DLEU7: variants seen among roughly 807,000 people sequenced by gnomAD.
The protein encoded by DLEU7 is leukemia-associated protein 7.
Under a neutral mutation model 16.0 loss-of-function variants are expected in DLEU7, and 17 were observed. The observed-to-expected ratio is 1.06, with a 90% CI of 0.73 to 1.59. The LOEUF (loss-of-function observed/expected upper bound fraction) is 1.59, where lower values mean the gene tolerates loss of function less well. Ranked by LOEUF, DLEU7 falls within the 40% of genes most tolerant of loss-of-function variation. The pLI is 0.00. For missense variants in DLEU7, 308 were observed against 314.9 expected (o/e 0.98, Z 0.17); for synonymous variants, 113 against 139.8 (o/e 0.81, Z 1.35).
At chr13:50,782,400 T>A (rs1269631412) in intron 1 of DLEU7, among the ~76,000 whole-genome samples, 1 of 152,224 alleles carries the variant, frequency 6.6e-6, no homozygotes, top group Non-Finnish European at 1.5e-5. Context: ...CATCTAAGAT[T>A]CTGTTGTTGG....
intron 1 of DLEU7, among the ~76,000 whole-genome samples, chr13:50,780,971 C>T (rs1197856973): frequency 6.6e-6 from 1 of 152,210 alleles, no homozygotes; most frequent in African/African-American, 2.4e-5. Flanking sequence ...CAGATGAGTT[C>T]CCAATCCATC....
intron 1 of DLEU7, among the ~76,000 whole-genome samples, chr13:50,748,426 A>G (rs897799833): frequency 1.3e-5 from 2 of 152,056 alleles, no homozygotes; most frequent in Non-Finnish European, 2.9e-5. Flanking sequence ...ATTATAAAGG[A>G]CATGAGTCTA....
chr13:50,760,774 T>C (rs1039746890), intron 1 of DLEU7, among the ~76,000 whole-genome samples: 3 of 152,220 alleles, frequency 2.0e-5, no homozygotes, highest in Non-Finnish European at 4.4e-5. Context: ...ATATATTGTT[T>C]ATAAATTTAG....
intron 1 of DLEU7, among the ~76,000 whole-genome samples, chr13:50,810,876 G>A (rs1221833924): frequency 6.6e-6 from 1 of 152,170 alleles, no homozygotes; most frequent in South Asian, 2.1e-4. Flanking sequence ...AGAGCTTAAT[G>A]ATGTTTTCCT....
chr13:50,741,026 C>T (rs1874236793), intron 1 of DLEU7, among the ~76,000 whole-genome samples: 1 of 152,170 alleles, frequency 6.6e-6, no homozygotes, highest in Non-Finnish European at 1.5e-5. Flanking sequence ...CCATCAAAAT[C>T]TGTCTCAGAG....
At chr13:50,756,432 G>A (rs1239353060) in intron 1 of DLEU7, among the ~76,000 whole-genome samples, 1 of 152,170 alleles carries the variant, frequency 6.6e-6, no homozygotes, top group Non-Finnish European at 1.5e-5. Context: ...CAGGTCAATG[G>A]AGTTGTGTAC....
chr13:50,770,170 A>G (rs1334192687), intron 1 of DLEU7, among the ~76,000 whole-genome samples: 1 of 152,046 alleles, frequency 6.6e-6, no homozygotes, highest in Non-Finnish European at 1.5e-5. Flanking sequence ...GGAGATTTGG[A>G]GCCAAGACGA....
rs557162695 is a variant in DLEU7, at chr13:50,715,028, C to A, written c.460-1788G>T. 6.2e-4 allele frequency among the ~76,000 whole-genome samples: 94 copies of A among 152,074 alleles called. 1 individual carries two copies. Among genetic ancestry groups the A allele is most frequent in the Non-Finnish European group, 1.2e-3 (82 of 68,014 alleles). ...TTTCCAGGCCTCTGCGCCTTGTTGG[C>A]GGAATTCAGTTCAATTTGCCTGATG... On this transcript the variant is annotated intron_variant, in intron 1 of 1. Coordinates refer to the DLEU7 transcript ENST00000400393.
At chr13:50,815,161 C>G (rs962953604) in intron 1 of DLEU7, among the ~76,000 whole-genome samples, 2 of 152,030 alleles carry the variant, frequency 1.3e-5, no homozygotes, top group African/African-American at 2.4e-5. Context: ...TATTTGTTAT[C>G]AACAGTGTTT....
At chr13:50,818,344 G>A (rs1876795897), downstream of DLEU7, among the ~76,000 whole-genome samples, 1 of 152,124 alleles carries the variant, frequency 6.6e-6, no homozygotes, top group South Asian at 2.1e-4. Flanking sequence ...ATCATTTATT[G>A]AGTGATTGCT....
chr13:50,716,126 C>G (rs1359907388), intron 1 of DLEU7, among the ~76,000 whole-genome samples: 3 of 152,208 alleles, frequency 2.0e-5, no homozygotes, highest in Admixed American at 6.5e-5. Context: ...AATAAGGAAA[C>G]AAGTTCACTG....
rs546152155 is a variant in DLEU7 at position 50,773,249 on chromosome 13, C to T, written c.460-60009G>A. ...GCTTGGAGAAGTTTGTTATTACCGA[C>T]CTTCTGAAGCCTACTTTTGTTAACC... On this transcript the variant is annotated intron_variant, in intron 1 of 1. Coordinates refer to the DLEU7 transcript ENST00000400393. 3.9e-5 allele frequency among the ~76,000 whole-genome samples: 6 copies of T among 152,186 alleles called. No individual in the cohort carries two copies. In the South Asian group the frequency reaches 1.2e-3, roughly 32 times the overall value.
chr13:50,729,202 C>A (rs1389227580), intron 1 of DLEU7, among the ~76,000 whole-genome samples: 1 of 152,074 alleles, frequency 6.6e-6, no homozygotes, highest in East Asian at 1.9e-4. Context: ...CTCAATTAGG[C>A]TAAAGTGTTT....
At chr13:50,743,136 AAGAGAGAG>A (rs35675993) in intron 1 of DLEU7, among the ~76,000 whole-genome samples, 1 of 150,150 alleles carries the variant, frequency 6.7e-6, no homozygotes, top group African/African-American at 2.4e-5. Flanking sequence ...CTGTAAGAAA[AAGAGAGAG>A]AGAGAGAGAG....
At chr13:50,767,268 A>G (rs1312130818) in intron 1 of DLEU7, among the ~76,000 whole-genome samples, 3 of 152,074 alleles carry the variant, frequency 2.0e-5, no homozygotes, top group Non-Finnish European at 4.4e-5. Context: ...ATCCTGGCTA[A>G]CACAGTGAAA....
At chr13:50,804,326 G>A (rs1305095417) in intron 1 of DLEU7, among the ~76,000 whole-genome samples, 2 of 151,382 alleles carry the variant, frequency 1.3e-5, no homozygotes, top group African/African-American at 2.4e-5. Flanking sequence ...CTGATACTGA[G>A]TTTCCCTCAC....
chr13:50,730,222 G>A (rs1179615667), intron 1 of DLEU7, among the ~76,000 whole-genome samples: 1 of 151,792 alleles, frequency 6.6e-6, no homozygotes, highest in Non-Finnish European at 1.5e-5. Context: ...GGAAGGGGAG[G>A]CAGCACACTC....
At chr13:50,753,165 G>A (rs1035840417) in intron 1 of DLEU7, among the ~76,000 whole-genome samples, 6 of 152,176 alleles carry the variant, frequency 3.9e-5, no homozygotes, top group East Asian at 1.9e-4. Flanking sequence ...ACAGAGTGCC[G>A]ATTGGTGTAT....
At chr13:50,814,617 A>G (rs1185179043) in intron 1 of DLEU7, among the ~76,000 whole-genome samples, 1 of 151,234 alleles carries the variant, frequency 6.6e-6, no homozygotes, top group African/African-American at 2.4e-5. Flanking sequence ...GGCTGTGGGG[A>G]ATCAAGGTTC....
Sources: gnomAD v4.1 joint callset for allele counts (sites outside exome capture counted in the v4.1 genomes callset) on GRCh38, gnomAD v4.1.1 for gene constraint, MANE v1.5 for transcripts, NCBI Gene and HGNC (gene_info 2026-07-23, HGNC 2026-07-21) for gene names.